The following TP63 variants were observed in gnomAD, a reference collection of about 807,000 sequenced individuals.
TP63 encodes tumor protein 63.
In TP63, 17 loss-of-function variants were observed where a neutral mutation model predicts 82.8. The ratio of observed to expected loss-of-function variants is 0.21; its 90% CI spans 0.14 to 0.31. TP63 has a LOEUF of 0.31. Ranked by LOEUF, TP63 falls within the 10% of genes least tolerant of loss-of-function variation. The probability of loss-of-function intolerance (pLI) is 1.00; values close to 1 mark genes in which losing one functional copy is unlikely to be tolerated. For missense variants in TP63, 648 were observed against 895.3 expected (o/e 0.72, Z 3.52); for synonymous variants, 330 against 321.7 (o/e 1.03, Z -0.28).
At chr3:189,756,311 CTACCT>C (rs1722185495) in intron 3 of TP63, among the ~76,000 whole-genome samples, 1 of 152,106 alleles carries the variant, frequency 6.6e-6, no homozygotes, top group Non-Finnish European at 1.5e-5. Flanking sequence ...GGATTTGTAG[CTACCT>C]ATGTGGCTTA....
chr3:189,655,669 G>C (rs1362204839), intron 1 of TP63, among the ~76,000 whole-genome samples: 1 of 152,112 alleles, frequency 6.6e-6, no homozygotes, highest in Non-Finnish European at 1.5e-5. Context: ...GATGCACATA[G>C]AGAAACTGCT....
intron 10 of TP63, among the ~76,000 whole-genome samples, chr3:189,882,911 GA>G (rs1462067310): frequency 6.6e-6 from 1 of 152,170 alleles, no homozygotes; most frequent in Non-Finnish European, 1.5e-5. Flanking sequence ...GGAAATACGT[GA>G]AATATGATTT....
intron 1 of TP63, among the ~76,000 whole-genome samples, chr3:189,728,179 A>T (rs1052727822): frequency 5.2e-4 from 79 of 152,300 alleles, no homozygotes; most frequent in African/African-American, 1.8e-3. Flanking sequence ...TTATAAAAAA[A>T]AAAAAAAGGA....
At chr3:189,614,727 T>C in the TP63 span, among the ~76,000 whole-genome samples, 4 of 152,234 alleles carry the variant, frequency 2.6e-5, no homozygotes, top group East Asian at 5.8e-4. Flanking sequence ...ACAAATTTAC[T>C]TTCAAAATAT....
intron 1 of TP63, among the ~76,000 whole-genome samples, chr3:189,713,570 T>G (rs536394909): frequency 2.6e-5 from 4 of 152,170 alleles, no homozygotes; most frequent in Non-Finnish European, 4.4e-5. Flanking sequence ...CAAATTTATT[T>G]GATTTTTGAA....
chr3:189,866,019 C>T (rs557383938), intron 5 of TP63, among the ~76,000 whole-genome samples: 5 of 152,150 alleles, frequency 3.3e-5, no homozygotes, highest in South Asian at 2.1e-4. Flanking sequence ...AACAGCTTTA[C>T]GGGTCCCAGT....
chr3:189,810,676 T>C (rs950886441), intron 4 of TP63, among the ~76,000 whole-genome samples: 2 of 151,762 alleles, frequency 1.3e-5, no homozygotes, highest in Non-Finnish European at 2.9e-5. Context: ...GCCAACATAG[T>C]GAAACCCTGT....
chr3:189,753,268 G>A (rs1178914761), intron 3 of TP63, among the ~76,000 whole-genome samples: 2 of 152,020 alleles, frequency 1.3e-5, no homozygotes, highest in Middle Eastern at 3.2e-3. Context: ...CATTATGAAT[G>A]TGTCTTTCTC....
At chr3:189,823,544 C>T (rs1221966220) in intron 4 of TP63, among the ~76,000 whole-genome samples, 1 of 152,062 alleles carries the variant, frequency 6.6e-6, no homozygotes. Context: ...GGGCAAGAGT[C>T]AGTTGCTGAA....
chr3:189,809,379 A>G (rs947743336), intron 4 of TP63, among the ~76,000 whole-genome samples: 1 of 152,178 alleles, frequency 6.6e-6, no homozygotes, highest in Admixed American at 6.6e-5. Context: ...ATCCAAGAAT[A>G]TTTTATTTTG....
chr3:189,753,562 C>T (rs764596665), intron 3 of TP63, among the ~76,000 whole-genome samples: 1 of 151,936 alleles, frequency 6.6e-6, no homozygotes, highest in Non-Finnish European at 1.5e-5. Context: ...TTTATCATTA[C>T]ATTTGAAATG....
At chr3:189,635,242 T>C (rs796450977) in intron 1 of TP63, among the ~76,000 whole-genome samples, 28 of 152,276 alleles carry the variant, frequency 1.8e-4, no homozygotes, top group African/African-American at 5.5e-4. Context: ...ATATTTGTTA[T>C]GATTTTTATT....
rs143421775 is a variant in TP63, at chr3:189,818,024, A to C, written c.579+9498A>C. ...TTGAATAACAATGGAATTAATTTAC[A>C]GTAATTAGAATTTGATAATTTGGGC... On this transcript the variant is annotated intron_variant, in intron 4 of 13. Coordinates refer to ENST00000264731, the MANE Select transcript of TP63 (RefSeq NM_003722.5). 7.2e-5 allele frequency among the ~76,000 whole-genome samples: 11 copies of C among 151,978 alleles called. No individual in the cohort carries two copies. In the East Asian group the frequency reaches 1.7e-3, roughly 24 times the overall value.
At chr3:189,828,538 A>G (rs1711798122) in intron 4 of TP63, among the ~76,000 whole-genome samples, 1 of 152,130 alleles carries the variant, frequency 6.6e-6, no homozygotes, top group Non-Finnish European at 1.5e-5. Flanking sequence ...AGTCTTGGCT[A>G]TTTATCCTTC....
chr3:189,728,371 A>G (rs1157158462), intron 1 of TP63, among the ~76,000 whole-genome samples: 2 of 152,222 alleles, frequency 1.3e-5, no homozygotes, highest in Non-Finnish European at 2.9e-5. Context: ...GTAAATTATG[A>G]TAGAATGAAC....
chr3:189,808,033 C>A (rs941072025), intron 3 of TP63, among the ~76,000 whole-genome samples: 2 of 152,186 alleles, frequency 1.3e-5, no homozygotes, highest in Admixed American at 1.3e-4. Flanking sequence ...TGTAGGAAGT[C>A]AGTCTCCAGA....
chr3:189,717,731 C>T (rs915016116), intron 1 of TP63, among the ~76,000 whole-genome samples: 2 of 152,208 alleles, frequency 1.3e-5, no homozygotes, highest in African/African-American at 4.8e-5. Context: ...GATATCTCTT[C>T]TGTGCTGCAT....
intron 3 of TP63, among the ~76,000 whole-genome samples, chr3:189,762,038 A>G (rs1464583178): frequency 2.0e-5 from 3 of 152,224 alleles, no homozygotes; most frequent in South Asian, 4.1e-4. Flanking sequence ...GAAAGCTACA[A>G]GATGAGATCT....
the TP63 span, among the ~76,000 whole-genome samples, chr3:189,618,102 G>A: frequency 6.6e-6 from 1 of 152,156 alleles, no homozygotes; most frequent in East Asian, 1.9e-4. Context: ...TTTCAAGATG[G>A]TAACAGTAAA....
Sources: gnomAD v4.1 joint callset for allele counts (sites outside exome capture counted in the v4.1 genomes callset) on GRCh38, gnomAD v4.1.1 for gene constraint, MANE v1.5 for transcripts, NCBI Gene and HGNC (gene_info 2026-07-23, HGNC 2026-07-21) for gene names.